Variants in DPP10 observed in about 807,000 individuals in gnomAD.
DPP10 encodes inactive dipeptidyl peptidase 10.
In DPP10, 33 loss-of-function variants were observed where a neutral mutation model predicts 120.9. That is an observed-to-expected ratio of 0.27 (90% CI 0.21 to 0.37). The LOEUF is 0.37. DPP10 is among the 10% of genes least tolerant of loss of function. The pLI is 1.00. For synonymous variants in DPP10, 337 were observed against 326.1 expected, an observed-to-expected ratio of 1.03 and a Z score of -0.36; for missense variants, 816 against 942.8, an observed-to-expected ratio of 0.87 and a Z score of 1.76.
intron 1 of DPP10, among the ~76,000 whole-genome samples, chr2:114,517,842 C>A (rs1447050969): frequency 6.6e-6 from 1 of 152,074 alleles, no homozygotes; most frequent in Non-Finnish European, 1.5e-5. Context: ...ATGGTGAGTG[C>A]CAAGATGAAT....
At chr2:114,884,521 A>G (rs575044189) in intron 1 of DPP10, among the ~76,000 whole-genome samples, 1 of 152,128 alleles carries the variant, frequency 6.6e-6, no homozygotes, top group East Asian at 1.9e-4. Context: ...CATCACACCA[A>G]TCTGACTCTT....
intron 1 of DPP10, among the ~76,000 whole-genome samples, chr2:115,227,303 TAGTG>T (rs1375215560): frequency 6.6e-6 from 1 of 152,180 alleles, no homozygotes; most frequent in African/African-American, 2.4e-5. Context: ...TTTTTTCTCA[TAGTG>T]AGGTCCATTT....
intron 3 of DPP10, among the ~76,000 whole-genome samples, chr2:115,408,018 C>T (rs1199863450): frequency 1.3e-5 from 2 of 151,788 alleles, no homozygotes; most frequent in African/African-American, 2.4e-5. Context: ...CAAATACATG[C>T]GGTACGTGAG....
chr2:114,966,966 C>T (rs745380175), intron 1 of DPP10, among the ~76,000 whole-genome samples: 2 of 152,036 alleles, frequency 1.3e-5, no homozygotes, highest in Admixed American at 6.6e-5. Flanking sequence ...CGCTTGAACT[C>T]GGGAGGCGGA....
At chr2:115,099,406 G>T (rs946239614) in intron 1 of DPP10, among the ~76,000 whole-genome samples, 1 of 152,148 alleles carries the variant, frequency 6.6e-6, no homozygotes, top group Admixed American at 6.5e-5. Flanking sequence ...CTTTCTCCCG[G>T]TGATCAAGGT....
chr2:114,947,718 C>G (rs1697471696), intron 1 of DPP10, among the ~76,000 whole-genome samples: 1 of 152,008 alleles, frequency 6.6e-6, no homozygotes, highest in Non-Finnish European at 1.5e-5. Flanking sequence ...ATTTCTGAGT[C>G]TGAGTTAACT....
intron 5 of DPP10, among the ~76,000 whole-genome samples, chr2:115,528,626 G>T (rs536031450): frequency 6.6e-6 from 1 of 151,848 alleles, no homozygotes; most frequent in South Asian, 2.1e-4. Context: ...TTCTTCAAAG[G>T]ATGAATGGCT....
chr2:115,118,801 G>A (rs557074932), intron 1 of DPP10, among the ~76,000 whole-genome samples: 1 of 151,012 alleles, frequency 6.6e-6, no homozygotes, highest in South Asian at 2.1e-4. Context: ...GTTTAGTAGA[G>A]ATGGGGTTTC....
chr2:114,656,066 T>A (rs754429228), intron 1 of DPP10, among the ~76,000 whole-genome samples: 1 of 152,186 alleles, frequency 6.6e-6, no homozygotes, highest in Non-Finnish European at 1.5e-5. Flanking sequence ...TAATTAGTTA[T>A]GTTGAGATTC....
chr2:115,165,885 A>T (rs990761616), intron 1 of DPP10, among the ~76,000 whole-genome samples: 7 of 152,242 alleles, frequency 4.6e-5, no homozygotes, highest in African/African-American at 1.7e-4. Context: ...AAAAGCAACT[A>T]TTTGACTACA....
At chr2:114,760,064 T>C (rs996457982) in intron 1 of DPP10, among the ~76,000 whole-genome samples, 1 of 152,178 alleles carries the variant, frequency 6.6e-6, no homozygotes, top group Non-Finnish European at 1.5e-5. Flanking sequence ...CTATCATATC[T>C]CTTCCATAAA....
At chr2:115,822,288 A>G (rs2150065088) in intron 21 of DPP10, among the ~76,000 whole-genome samples, 1 of 152,038 alleles carries the variant, frequency 6.6e-6, no homozygotes, top group African/African-American at 2.4e-5. Context: ...CCTTTTCATC[A>G]TTTTTAATTG....
chr2:114,892,193 T>C (rs754158856), intron 1 of DPP10, among the ~76,000 whole-genome samples: 6 of 152,194 alleles, frequency 3.9e-5, no homozygotes, highest in Non-Finnish European at 7.3e-5. Context: ...CTTTGTTAAG[T>C]ACTATAGACT....
intron 1 of DPP10, among the ~76,000 whole-genome samples, chr2:114,491,921 A>G (rs1177727005): frequency 2.0e-5 from 3 of 152,198 alleles, no homozygotes; most frequent in Non-Finnish European, 4.4e-5. Context: ...TTTAGAATTC[A>G]TGGAAAACAG....
At chr2:114,826,412 T>C (rs939568689) in intron 1 of DPP10, among the ~76,000 whole-genome samples, 1 of 152,152 alleles carries the variant, frequency 6.6e-6, no homozygotes, top group Non-Finnish European at 1.5e-5. Context: ...ATGGAAAAGG[T>C]CATGCCTGAC....
chr2:114,892,853 G>T (rs1021630092), intron 1 of DPP10, among the ~76,000 whole-genome samples: 1 of 151,986 alleles, frequency 6.6e-6, no homozygotes, highest in Non-Finnish European at 1.5e-5. Flanking sequence ...TGGAGTCCTG[G>T]ACCCCCCAAA....
intron 10 of DPP10, chr2:115,750,102 G>T (rs930113584): frequency 1.0e-6 from 1 of 985,384 alleles, no homozygotes; most frequent in Non-Finnish European, 1.2e-6. Flanking sequence ...GCCACTGGTC[G>T]TGGAACACCA....
intron 1 of DPP10, among the ~76,000 whole-genome samples, chr2:114,867,146 C>G (rs1193805234): frequency 6.6e-6 from 1 of 152,118 alleles, no homozygotes; most frequent in Non-Finnish European, 1.5e-5. Context: ...AATTGTTTTC[C>G]TGGGTCTTGG....
In DPP10 at chr2:115,082,978, A is replaced by G. The variant is rs117554606; in HGVS notation, c.61-226261A>G. Among the ~76,000 whole-genome samples, 43 of 152,352 alleles carry G rather than the reference A, an allele frequency of 2.8e-4. No homozygotes were observed. In the East Asian group the frequency reaches 7.1e-3, roughly 25 times the overall value. On this transcript the variant is annotated intron_variant, in intron 1 of 25. Transcript: ENST00000410059. ...TAAATCTCTCTCAGTTATCAAATCAATGAGCATTTTTCAGTCCTTATCTAA... is the reference window on the plus strand; with the variant it reads ...TAAATCTCTCTCAGTTATCAAATCAGTGAGCATTTTTCAGTCCTTATCTAA...
Sources: gnomAD v4.1 joint callset for allele counts (sites outside exome capture counted in the v4.1 genomes callset) on GRCh38, gnomAD v4.1.1 for gene constraint, MANE v1.5 for transcripts, NCBI Gene and HGNC (gene_info 2026-07-23, HGNC 2026-07-21) for gene names.